PPP2R2B: variants seen among roughly 807,000 people sequenced by gnomAD.
PPP2R2B encodes serine/threonine-protein phosphatase 2A 55 kDa regulatory subunit B beta isoform.
A neutral mutation model predicts 46.0 loss-of-function variants in PPP2R2B; 5 were observed. That is an observed-to-expected ratio of 0.11 (90% confidence interval 0.06 to 0.23). The LOEUF is 0.23. PPP2R2B is among the 10% of genes least tolerant of loss of function. The pLI is 1.00. For missense variants in PPP2R2B, 367 were observed against 575.0 expected, an observed-to-expected ratio of 0.64 and a Z score of 3.70; for synonymous variants, 215 against 206.7, an observed-to-expected ratio of 1.04 and a Z score of -0.34.
At chr5:147,066,467 G>A (rs1260066640) in intron 2 of PPP2R2B, among the ~76,000 whole-genome samples, 4 of 152,154 alleles carry the variant, frequency 2.6e-5, no homozygotes, top group Non-Finnish European at 5.9e-5. Context: ...TAGCAGATTT[G>A]CTGGAATGCA....
intron 1 of PPP2R2B, among the ~76,000 whole-genome samples, chr5:146,961,716 G>C (rs577421137): frequency 8.5e-5 from 13 of 152,168 alleles, no homozygotes; most frequent in African/African-American, 3.1e-4. Context: ...GTCATCTACA[G>C]AGAGCATTCA....
chr5:146,781,578 C>A, intron 2 of PPP2R2B, among the ~76,000 whole-genome samples: 1 of 149,058 alleles, frequency 6.7e-6, no homozygotes, highest in South Asian at 2.1e-4. Context: ...AGGCATTTTT[C>A]ATGAAAACAG....
intron 1 of PPP2R2B, chr5:146,919,310 C>T (rs1396270788): frequency 6.6e-6 from 1 of 152,152 alleles, no homozygotes; most frequent in Non-Finnish European, 1.5e-5. Flanking sequence ...GGGAGGTGAT[C>T]TTTTTCCCAA....
chr5:146,946,914 A>T (rs1470319142), intron 1 of PPP2R2B, among the ~76,000 whole-genome samples: 2 of 152,064 alleles, frequency 1.3e-5, no homozygotes, highest in African/African-American at 4.8e-5. Context: ...AGCTTTAAAA[A>T]ATACTCAGCA....
chr5:146,811,326 G>C (rs1757530068), intron 2 of PPP2R2B, among the ~76,000 whole-genome samples: 1 of 152,070 alleles, frequency 6.6e-6, no homozygotes, highest in Non-Finnish European at 1.5e-5. Flanking sequence ...TTAGTCTATA[G>C]TAAGTGTTTT....
In PPP2R2B at chr5:146,588,677, T is replaced by G. The variant is rs901154679; in HGVS notation, c.*1270A>C. ...GCTTTCTAGAAGTTATAAATCTGGA[T>G]CCTCAACTGGGGAAAAGGATGAACC... On this transcript the variant is annotated 3_prime_UTR_variant, in exon 10 of 10. Coordinates refer to ENST00000394411, the MANE Select transcript of PPP2R2B (RefSeq NM_181675.4). 4 of 152,186 alleles carry G rather than the reference T, an allele frequency of 2.6e-5. No individual in the cohort carries two copies. Among genetic ancestry groups the G allele is most frequent in the African/African-American group, 9.7e-5 (4 of 41,438 alleles). The allele number at this position is 152,186 out of a possible 1,614,324, so 9.4% of individuals were successfully genotyped here.
chr5:146,662,530 T>A (rs577914497), intron 5 of PPP2R2B, among the ~76,000 whole-genome samples: 217 of 152,300 alleles, frequency 1.4e-3, no homozygotes, highest in African/African-American at 5.0e-3. Context: ...CATGGGGTGA[T>A]GTTGCATGAA....
intron 2 of PPP2R2B, among the ~76,000 whole-genome samples, chr5:147,066,769 C>T (rs1181274027): frequency 2.6e-5 from 4 of 152,078 alleles, no homozygotes; most frequent in African/African-American, 9.7e-5. Context: ...CATCAAGCCT[C>T]CCTTGCCCAT....
chr5:146,590,866 T>A (rs1770573531), intron 9 of PPP2R2B, among the ~76,000 whole-genome samples: 1 of 152,138 alleles, frequency 6.6e-6, no homozygotes, highest in Admixed American at 6.5e-5. Flanking sequence ...GTAAGGAAAT[T>A]CAAATTTTAA....
chr5:147,073,459 G>A (rs191281864), intron 2 of PPP2R2B, among the ~76,000 whole-genome samples: 33 of 152,194 alleles, frequency 2.2e-4, no homozygotes, highest in Admixed American at 7.2e-4. Context: ...AGATTGGAGC[G>A]CCATGCAAAG....
chr5:146,630,349 G>A (rs910696213), intron 7 of PPP2R2B, among the ~76,000 whole-genome samples: 2 of 152,142 alleles, frequency 1.3e-5, no homozygotes, highest in Non-Finnish European at 2.9e-5. Flanking sequence ...AAATGACCTC[G>A]GTTATTTGTA....
intron 1 of PPP2R2B, among the ~76,000 whole-genome samples, chr5:146,937,054 C>A (rs541509878): frequency 6.6e-6 from 1 of 152,234 alleles, no homozygotes; most frequent in African/African-American, 2.4e-5. Context: ...GTAATCCCAG[C>A]ACTTTGGGAA....
chr5:147,022,892 T>G (rs1205023811), intron 1 of PPP2R2B, among the ~76,000 whole-genome samples: 1 of 151,830 alleles, frequency 6.6e-6, no homozygotes, highest in East Asian at 1.9e-4. Context: ...GAAGGCAACA[T>G]AAAGAACTTT....
chr5:146,971,512 CAA>C (rs1220306096), intron 1 of PPP2R2B, among the ~76,000 whole-genome samples: 3 of 152,128 alleles, frequency 2.0e-5, no homozygotes, highest in African/African-American at 7.2e-5. Context: ...TAGTGATGTG[CAA>C]AGTTATTTCC....
At chr5:146,685,641 G>A (rs943930167) in intron 5 of PPP2R2B, among the ~76,000 whole-genome samples, 1 of 152,188 alleles carries the variant, frequency 6.6e-6, no homozygotes, top group Non-Finnish European at 1.5e-5. Flanking sequence ...GTTGGCCAGT[G>A]TCTTAGACGG....
intron 1 of PPP2R2B, among the ~76,000 whole-genome samples, chr5:146,959,111 A>G (rs1752055868): frequency 6.6e-6 from 1 of 152,208 alleles, no homozygotes; most frequent in Non-Finnish European, 1.5e-5. Context: ...CAGATTTACA[A>G]TTTAGTTCAG....
intron 3 of PPP2R2B, among the ~76,000 whole-genome samples, chr5:146,698,519 T>A (rs901099203): frequency 1.3e-5 from 2 of 151,560 alleles, no homozygotes; most frequent in Admixed American, 6.6e-5. Context: ...TTGGAGTGAG[T>A]CATCCCACAG....
Position 147,004,669 on chromosome 5 carries a change from G to A in PPP2R2B, c.79+50996C>T, listed in dbSNP as rs556530959. 1.1e-4 allele frequency among the ~76,000 whole-genome samples: 17 copies of A among 152,246 alleles called. No homozygotes were observed. In the South Asian group the frequency reaches 2.1e-3, roughly 19 times the overall value. On this transcript the variant is annotated intron_variant, in intron 1 of 8. Coordinates refer to the PPP2R2B transcript ENST00000336640. Reference sequence around the variant, plus strand: ...TATTATCTACATGAATATGGAGAACGAGTTACCCATTTGTTGTCCCCTGCT... The same window carrying A: ...TATTATCTACATGAATATGGAGAACAAGTTACCCATTTGTTGTCCCCTGCT...
chr5:146,831,201 A>C (rs1228397878), intron 2 of PPP2R2B, among the ~76,000 whole-genome samples: 2 of 152,174 alleles, frequency 1.3e-5, no homozygotes, highest in South Asian at 4.1e-4. Flanking sequence ...ACCTTTATTA[A>C]AAAGTCTCTG....
Sources: gnomAD v4.1 joint callset for allele counts (sites outside exome capture counted in the v4.1 genomes callset) on GRCh38, gnomAD v4.1.1 for gene constraint, MANE v1.5 for transcripts, NCBI Gene and HGNC (gene_info 2026-07-23, HGNC 2026-07-21) for gene names.